Variants in PPARGC1A observed in about 807,000 individuals in gnomAD.
PPARGC1A encodes PPARG coactivator 1 alpha, also known as peroxisome proliferator-activated receptor gamma coactivator 1-alpha.
PPARGC1A carries 25 observed loss-of-function variants against 88.7 expected under a neutral mutation model. The observed-to-expected ratio is 0.28, with a 90% CI of 0.21 to 0.39. PPARGC1A has a LOEUF of 0.39. PPARGC1A is among the 10% of genes least tolerant of loss of function. The pLI is 1.00. For missense variants in PPARGC1A, 880 were observed against 968.7 expected (o/e 0.91, Z 1.22); for synonymous variants, 363 against 355.6 (o/e 1.02, Z -0.24).
At chr4:23,896,784 A>C (rs1718651675) in intron 1 of PPARGC1A, among the ~76,000 whole-genome samples, 1 of 152,244 alleles carries the variant, frequency 6.6e-6, no homozygotes, top group Non-Finnish European at 1.5e-5. Context: ...ATAGGTAAGA[A>C]TAATTCTTGA....
At chr4:24,434,775 G>T in the PPARGC1A span, among the ~76,000 whole-genome samples, 4 of 152,130 alleles carry the variant, frequency 2.6e-5, no homozygotes, top group South Asian at 8.3e-4. Flanking sequence ...CTTCACTCTT[G>T]CTCTCACCTA....
At chr4:24,425,840 C>T in the PPARGC1A span, among the ~76,000 whole-genome samples, 1 of 152,096 alleles carries the variant, frequency 6.6e-6, no homozygotes, top group Non-Finnish European at 1.5e-5. Flanking sequence ...TGATTTTTTC[C>T]CCTTGTGTTA....
the PPARGC1A span, among the ~76,000 whole-genome samples, chr4:24,013,214 A>C: frequency 6.6e-6 from 1 of 152,180 alleles, no homozygotes; most frequent in Non-Finnish European, 1.5e-5. Flanking sequence ...GCATTAATTA[A>C]TTAATTTTTT....
the PPARGC1A span, among the ~76,000 whole-genome samples, chr4:23,910,430 AAT>A: frequency 3.4e-5 from 4 of 118,174 alleles, no homozygotes; most frequent in African/African-American, 6.6e-5. Flanking sequence ...TTATTAATAT[AAT>A]ATATATATTA....
chr4:23,913,927 GAA>G, the PPARGC1A span, among the ~76,000 whole-genome samples: 1 of 152,166 alleles, frequency 6.6e-6, no homozygotes, highest in Non-Finnish European at 1.5e-5. Context: ...CGGTGAAGAT[GAA>G]AAAGACAAAA....
At chr4:24,224,325 G>A in the PPARGC1A span, among the ~76,000 whole-genome samples, 1 of 152,200 alleles carries the variant, frequency 6.6e-6, no homozygotes, top group East Asian at 1.9e-4. Flanking sequence ...ATGGGAAAGG[G>A]GTCAGTAGGT....
the PPARGC1A span, among the ~76,000 whole-genome samples, chr4:24,237,380 CTTTAAT>C: frequency 1.3e-5 from 2 of 152,056 alleles, 1 homozygote; most frequent in Non-Finnish European, 2.9e-5. Context: ...AGTGGTTTTC[CTTTAAT>C]TACAGTATTG....
the PPARGC1A span, among the ~76,000 whole-genome samples, chr4:24,264,631 T>C: frequency 1.3e-5 from 2 of 152,242 alleles, no homozygotes. Context: ...CAGGCTGCCA[T>C]GGAGTTCAAA....
chr4:23,797,917 G>A (rs572434205), intron 12 of PPARGC1A, among the ~76,000 whole-genome samples: 8 of 151,926 alleles, frequency 5.3e-5, no homozygotes, highest in African/African-American at 1.5e-4. Context: ...CCAGATGGCC[G>A]GTTCCTGCCT....
At chr4:24,294,741 C>T in the PPARGC1A span, among the ~76,000 whole-genome samples, 1 of 152,180 alleles carries the variant, frequency 6.6e-6, no homozygotes, top group Non-Finnish European at 1.5e-5. Flanking sequence ...GATAAGAAGC[C>T]AGGCAAACGT....
At chr4:23,869,520 G>T (rs1328354201) in intron 2 of PPARGC1A, among the ~76,000 whole-genome samples, 1 of 152,090 alleles carries the variant, frequency 6.6e-6, no homozygotes, top group African/African-American at 2.4e-5. Context: ...CATTCCCTAG[G>T]TTTTTAGACA....
chr4:24,437,784 C>T, the PPARGC1A span, among the ~76,000 whole-genome samples: 3 of 151,956 alleles, frequency 2.0e-5, no homozygotes, highest in Non-Finnish European at 4.4e-5. Context: ...GGATTACAGG[C>T]ACCCACCACC....
At chr4:24,247,218 G>T in the PPARGC1A span, among the ~76,000 whole-genome samples, 1 of 151,994 alleles carries the variant, frequency 6.6e-6, no homozygotes, top group Non-Finnish European at 1.5e-5. Flanking sequence ...AAAGAAAAAA[G>T]TCTGGTCTTT....
At position 23,813,007 on chromosome 4, in the gene PPARGC1A, A is replaced by G. The variant is rs773251385; in HGVS notation, c.1898+14T>C. On this transcript the variant is annotated intron_variant, in intron 9 of 12. Transcript: ENST00000264867. ...GGATAAAGGGAGCTAAAGGAAAATG[A>G]CATGCCTCATTACCTGGGCCGACGG... 6 of 1,613,582 alleles carry G rather than the reference A, an allele frequency of 3.7e-6. No individual in the cohort carries two copies. Among genetic ancestry groups the G allele is most frequent in the East Asian group, 4.5e-5 (2 of 44,860 alleles).
At chr4:23,845,999 G>A (rs571495592) in intron 2 of PPARGC1A, among the ~76,000 whole-genome samples, 1 of 152,260 alleles carries the variant, frequency 6.6e-6, no homozygotes, top group African/African-American at 2.4e-5. Context: ...CATGCACAGT[G>A]GAGAAGCATA....
the PPARGC1A span, among the ~76,000 whole-genome samples, chr4:23,985,685 A>G: frequency 1.3e-5 from 2 of 152,038 alleles, no homozygotes; most frequent in Admixed American, 6.6e-5. Flanking sequence ...CAAACTATAA[A>G]ATCACACACA....
chr4:24,127,093 A>G, the PPARGC1A span, among the ~76,000 whole-genome samples: 192 of 152,318 alleles, frequency 1.3e-3, 1 homozygote, highest in African/African-American at 4.1e-3. Flanking sequence ...TGAACTGGAT[A>G]ATTAAAAGAG....
At chr4:24,450,818 A>T in the PPARGC1A span, among the ~76,000 whole-genome samples, 1 of 152,210 alleles carries the variant, frequency 6.6e-6, no homozygotes, top group African/African-American at 2.4e-5. Context: ...TAGCTGTTCC[A>T]AATTCCTGCC....
At chr4:24,077,588 C>A in the PPARGC1A span, among the ~76,000 whole-genome samples, 1 of 145,816 alleles carries the variant, frequency 6.9e-6, no homozygotes, top group African/African-American at 2.5e-5. Context: ...TTTCTTTAGC[C>A]CAAATGTTCT....
Sources: allele counts gnomAD v4.1 joint callset (sites outside exome capture counted in the v4.1 genomes callset), GRCh38; gene constraint gnomAD v4.1.1; transcripts MANE v1.5; gene names NCBI Gene and HGNC (gene_info 2026-07-23, HGNC 2026-07-21).